The following CDKAL1 variants were observed in gnomAD, a reference collection of about 807,000 sequenced individuals.
The protein encoded by CDKAL1 is CDKAL1 threonylcarbamoyladenosine tRNA methylthiotransferase.
A neutral mutation model predicts 68.2 loss-of-function variants in CDKAL1; 32 were observed. That is an observed-to-expected ratio of 0.47 (90% CI 0.35 to 0.63). The LOEUF is 0.63. CDKAL1 is among the 30% of genes least tolerant of loss of function. CDKAL1 has a pLI of 0.00. For synonymous variants in CDKAL1, 234 were observed against 244.3 expected (o/e 0.96, Z 0.39); for missense variants, 606 against 696.7 (o/e 0.87, Z 1.47).
At chr6:20,770,956 G>GGT (rs1774914720) in intron 7 of CDKAL1, among the ~76,000 whole-genome samples, 1 of 152,054 alleles carries the variant, frequency 6.6e-6, no homozygotes. Context: ...ACTCCCTTGT[G>GGT]GTGTCTCTCT....
At chr6:20,825,149 C>G (rs1489155671) in intron 8 of CDKAL1, among the ~76,000 whole-genome samples, 2 of 152,060 alleles carry the variant, frequency 1.3e-5, no homozygotes, top group Non-Finnish European at 2.9e-5. Flanking sequence ...CCAGGTAGCT[C>G]CTCTTCTGGT....
At chr6:21,184,678 G>T (rs1279136046) in intron 13 of CDKAL1, among the ~76,000 whole-genome samples, 1 of 151,510 alleles carries the variant, frequency 6.6e-6, no homozygotes, top group Non-Finnish European at 1.5e-5. Context: ...TTGAGACAGG[G>T]TCTCACTCTG....
At chr6:21,037,016 G>A (rs1769632370) in intron 11 of CDKAL1, among the ~76,000 whole-genome samples, 1 of 152,150 alleles carries the variant, frequency 6.6e-6, no homozygotes, top group African/African-American at 2.4e-5. Context: ...CATTGATAAA[G>A]TTTGGAGATG....
chr6:20,679,736 C>T (rs1471902136), intron 5 of CDKAL1, among the ~76,000 whole-genome samples: 1 of 152,152 alleles, frequency 6.6e-6, no homozygotes. Flanking sequence ...TTGTTTTAGA[C>T]AACTCTGATG....
intron 11 of CDKAL1, among the ~76,000 whole-genome samples, chr6:21,064,093 G>A (rs952397364): frequency 6.6e-6 from 1 of 152,160 alleles, no homozygotes; most frequent in African/African-American, 2.4e-5. Context: ...TAAAAAAAGA[G>A]GAACAATGCA....
intron 4 of CDKAL1, among the ~76,000 whole-genome samples, chr6:20,583,765 C>CA (rs1765229529): frequency 6.8e-6 from 1 of 147,966 alleles, no homozygotes; most frequent in African/African-American, 2.5e-5. Context: ...TCTCATCAGA[C>CA]ACTTTTGTTA....
intron 12 of CDKAL1, among the ~76,000 whole-genome samples, chr6:21,080,669 A>G (rs1306773679): frequency 1.3e-5 from 2 of 152,138 alleles, no homozygotes; most frequent in East Asian, 1.9e-4. Context: ...CACTGGCCCA[A>G]CTTTTTGTTT....
intron 10 of CDKAL1, among the ~76,000 whole-genome samples, chr6:20,972,256 T>C (rs2150756019): frequency 6.6e-6 from 1 of 152,362 alleles, no homozygotes; most frequent in Middle Eastern, 3.4e-3. Context: ...CATACTCTTC[T>C]TGTTCCACAC....
chr6:20,835,990 C>G (rs1248155002), intron 8 of CDKAL1, among the ~76,000 whole-genome samples: 3 of 152,048 alleles, frequency 2.0e-5, no homozygotes, highest in Non-Finnish European at 1.5e-5. Context: ...GAGCAACTAC[C>G]CTTTCTCTTC....
intron 12 of CDKAL1, among the ~76,000 whole-genome samples, chr6:21,077,970 G>A (rs941069615): frequency 2.6e-5 from 4 of 152,174 alleles, no homozygotes; most frequent in South Asian, 2.1e-4. Context: ...AAAGGTCAGA[G>A]TGATAAGCTC....
intron 4 of CDKAL1, among the ~76,000 whole-genome samples, chr6:20,613,361 G>A (rs1242357613): frequency 7.5e-6 from 1 of 133,922 alleles, no homozygotes; most frequent in Non-Finnish European, 1.5e-5. Context: ...TGCAACCTCC[G>A]CCTTCCAGGT....
At chr6:21,043,331 GTA>G (rs1407226236) in intron 11 of CDKAL1, among the ~76,000 whole-genome samples, 2 of 138,368 alleles carry the variant, frequency 1.4e-5, no homozygotes, top group Non-Finnish European at 3.2e-5. Flanking sequence ...ATATGTGTGT[GTA>G]TGTGTGTGTG....
intron 5 of CDKAL1, among the ~76,000 whole-genome samples, chr6:20,670,779 T>G (rs1484317442): frequency 6.6e-6 from 1 of 152,214 alleles, no homozygotes; most frequent in African/African-American, 2.4e-5. Flanking sequence ...GTTTTTTACT[T>G]AAATGATAGC....
At chr6:20,646,679 T>G (rs1335378765) in intron 4 of CDKAL1, among the ~76,000 whole-genome samples, 2 of 152,208 alleles carry the variant, frequency 1.3e-5, no homozygotes, top group Non-Finnish European at 2.9e-5. Flanking sequence ...TAGAAGAATG[T>G]GCCAGGATAT....
At chr6:20,625,173 G>A (rs999865855) in intron 4 of CDKAL1, among the ~76,000 whole-genome samples, 1 of 152,080 alleles carries the variant, frequency 6.6e-6, no homozygotes, top group Non-Finnish European at 1.5e-5. Flanking sequence ...CTTTCTAAGA[G>A]TATTCCATAG....
At chr6:20,991,331 T>C (rs988869858) in intron 10 of CDKAL1, among the ~76,000 whole-genome samples, 3 of 152,176 alleles carry the variant, frequency 2.0e-5, no homozygotes, top group Non-Finnish European at 2.9e-5. Context: ...CAAAAGGTTC[T>C]GGAGATGGAC....
rs1018596666 is a variant in CDKAL1, at chr6:20,592,449, T to C, written c.286+43744T>C. On this transcript the variant is annotated intron_variant, in intron 4 of 15. Transcript: ENST00000274695. ...GGGCATCCTTGTCTTGTGTGGTTTTTCAAAGGGAATGCTTCCAGCTTTTTT... is the reference window on the plus strand; with the variant it reads ...GGGCATCCTTGTCTTGTGTGGTTTTCCAAAGGGAATGCTTCCAGCTTTTTT... Among the ~76,000 whole-genome samples the C allele has an allele frequency of 2.6e-5, 4 of 151,396 alleles. No homozygotes were observed. In the South Asian group the frequency reaches 8.4e-4, roughly 32 times the overall value.
intron 5 of CDKAL1, among the ~76,000 whole-genome samples, chr6:20,654,934 T>A (rs2127765483): frequency 6.6e-6 from 1 of 152,322 alleles, no homozygotes. Flanking sequence ...TGTTTTTAAG[T>A]TGAACAAGGA....
At chr6:20,551,622 G>A (rs1026993298) in intron 4 of CDKAL1, among the ~76,000 whole-genome samples, 6 of 151,954 alleles carry the variant, frequency 3.9e-5, no homozygotes, top group Non-Finnish European at 5.9e-5. Context: ...CACCCGCCTC[G>A]GCCTCCCCAA....
Sources: allele counts gnomAD v4.1 joint callset (sites outside exome capture counted in the v4.1 genomes callset), GRCh38; gene constraint gnomAD v4.1.1; transcripts MANE v1.5; gene names NCBI Gene and HGNC (gene_info 2026-07-23, HGNC 2026-07-21).